Variants in HNRNPC observed in about 807,000 individuals in gnomAD.
HNRNPC encodes the protein heterogeneous nuclear ribonucleoproteins C1/C2.
Under a neutral mutation model 33.2 loss-of-function variants are expected in HNRNPC, and 3 were observed. The observed-to-expected ratio is 0.09, with a 90% CI of 0.04 to 0.23. HNRNPC has a LOEUF of 0.23. Ranked by LOEUF, HNRNPC falls within the 10% of genes least tolerant of loss-of-function variation. The probability of loss-of-function intolerance (pLI) is 1.00; values close to 1 mark genes in which losing one functional copy is unlikely to be tolerated. For missense variants in HNRNPC, 143 were observed against 366.7 expected (o/e 0.39, Z 4.98); for synonymous variants, 121 against 126.7 (o/e 0.96, Z 0.30).
chr14:21,213,218 C>A (rs984382657), intron 5 of HNRNPC, 101 bp from the exon 6 acceptor site: 23 of 1,212,316 alleles, frequency 1.9e-5, no homozygotes, highest in Middle Eastern at 2.1e-4. Flanking sequence ...TGTCTCTAGT[C>A]GTTTCCTTTT....
At chr14:21,267,664 T>C (rs1879242823) in intron 1 of HNRNPC, among the ~76,000 whole-genome samples, 1 of 152,170 alleles carries the variant, frequency 6.6e-6, no homozygotes, top group South Asian at 2.1e-4. Context: ...AGAATTGTGA[T>C]ATAAATACCG....
Position 21,211,519 on chromosome 14 carries a change from C to G in HNRNPC, c.685G>C (p.Val229Leu), listed in dbSNP as rs200722780. 6.2e-6 allele frequency: 10 copies of G among 1,612,622 alleles called. No individual in the cohort carries two copies. In the South Asian group the frequency reaches 7.7e-5, roughly 12 times the overall value. ...KSEEEQSSSS[V>L]KKDETNVKME... Reference sequence around the variant, plus strand: ...TTCACATTAGTCTCATCTTTCTTCACGGAGCTGCTGCTCTGCTCCTCTTCT... The same window carrying G: ...TTCACATTAGTCTCATCTTTCTTCAGGGAGCTGCTGCTCTGCTCCTCTTCT... Residue 229 changes from valine (V) to leucine (L), a missense_variant, in exon 8 of 9, where the codon GTG becomes CTG. Val to Leu is a conservative substitution (Grantham distance 32). Around this residue, in one of 2 missense-constraint regions of HNRNPC, gnomAD observed 131 missense variants for 253.0 expected, o/e 0.52. Coordinates refer to ENST00000553300, the MANE Select transcript of HNRNPC (RefSeq NM_004500.4).
intron 4 of HNRNPC, 66 bp from the exon 5 acceptor site, chr14:21,230,432 G>A: frequency 8.6e-7 from 1 of 1,168,268 alleles, no homozygotes; most frequent in East Asian, 2.4e-5. Flanking sequence ...TGTCAGGTGA[G>A]GGGAGAACCA....
intron 5 of HNRNPC, among the ~76,000 whole-genome samples, chr14:21,226,309 C>T (rs550345028): frequency 2.9e-5 from 4 of 137,708 alleles, no homozygotes; most frequent in Admixed American, 1.6e-4. Context: ...GGAGACAGCA[C>T]GAGACTCGTT....
intron 5 of HNRNPC, among the ~76,000 whole-genome samples, chr14:21,214,906 A>G (rs1891994472): frequency 6.6e-6 from 1 of 152,206 alleles, no homozygotes; most frequent in African/African-American, 2.4e-5. Context: ...AACTGAGCTT[A>G]AGCCTCAGTC....
chr14:21,261,269 C>G (rs575837095), intron 2 of HNRNPC, among the ~76,000 whole-genome samples: 2 of 152,164 alleles, frequency 1.3e-5, no homozygotes, highest in Non-Finnish European at 2.9e-5. Flanking sequence ...CCAAACACAA[C>G]ATGTCCCATA....
At chr14:21,219,241 T>C (rs1469372965) in intron 5 of HNRNPC, among the ~76,000 whole-genome samples, 1 of 152,206 alleles carries the variant, frequency 6.6e-6, no homozygotes, top group East Asian at 1.9e-4. Context: ...ACAGATATGA[T>C]TGCTAGGCAA....
Position 21,234,047 on chromosome 14 carries a change from A to G in HNRNPC, c.147T>C (p.His49=). The G allele has an allele frequency of 6.2e-7, 1 of 1,613,970 alleles. No homozygotes were observed. Among genetic ancestry groups the G allele is most frequent in the Non-Finnish European group, 8.5e-7 (1 of 1,179,862 alleles). The part of the protein sequence containing the change: ...KYGKIVGCSV[H]KGFAFVQYVN... ...CATACTGAACGAAGGCAAAGCCCTT[A>G]TGAACAGAGCAGCCCACAATTTTGC... is the stretch of plus-strand genomic sequence containing the variant. The change falls in exon 3 of 9, where the codon CAT becomes CAC. Residue 49 remains histidine, a synonymous_variant. Transcript: ENST00000553300.
intron 2 of HNRNPC, among the ~76,000 whole-genome samples, chr14:21,257,115 A>G (rs1877353090): frequency 1.3e-5 from 2 of 152,246 alleles, no homozygotes; most frequent in Non-Finnish European, 1.5e-5. Context: ...ACAGTTTTGC[A>G]CTTTTAAGTT....
chr14:21,248,371 T>C (rs900522682), intron 2 of HNRNPC, among the ~76,000 whole-genome samples: 1 of 152,192 alleles, frequency 6.6e-6, no homozygotes, highest in African/African-American at 2.4e-5. Flanking sequence ...GATCAACAAC[T>C]TGCTAGTGGC....
At chr14:21,212,531 CTCT>C (rs1891728511) in intron 6 of HNRNPC, among the ~76,000 whole-genome samples, 1 of 151,872 alleles carries the variant, frequency 6.6e-6, no homozygotes, top group South Asian at 2.1e-4. Flanking sequence ...ATCTTGTCTC[CTCT>C]GTTATTTTGG....
chr14:21,211,018 A>C lies in HNRNPC; in HGVS notation c.*205T>G. On this transcript the variant is annotated 3_prime_UTR_variant, in exon 9 of 9. Transcript: ENST00000553300. The stretch of plus-strand genomic sequence containing the variant: ...CAAAAATTACAGGGTAAGACTTAAC[A>C]AAACTACTAGGAGCGTCAAAGGAAG... 1.7e-6 allele frequency: 1 copy of C among 593,700 alleles called. No homozygotes were observed. The highest frequency in any genetic ancestry group is 2.2e-5 in the South Asian group (1 of 45,494). 36.8% of individuals were successfully genotyped at this position (593,700 alleles called of 1,614,324 possible). A position where few individuals can be genotyped will look rare whatever the true frequency, so the allele number is the denominator to read the frequency against.
intron 1 of HNRNPC, among the ~76,000 whole-genome samples, chr14:21,268,900 T>G (rs1566656352): frequency 6.6e-6 from 1 of 151,816 alleles, no homozygotes; most frequent in African/African-American, 2.4e-5. Context: ...CCTTCCCCCT[T>G]CCCCTCCCCC....
chr14:21,240,602 G>C (rs1895229720), intron 2 of HNRNPC, among the ~76,000 whole-genome samples: 1 of 152,090 alleles, frequency 6.6e-6, no homozygotes, highest in African/African-American at 2.4e-5. Context: ...ATGGAGTCAA[G>C]ACTTCAGCTT....
chr14:21,218,722 A>G (rs925281423), intron 5 of HNRNPC, among the ~76,000 whole-genome samples: 1 of 141,294 alleles, frequency 7.1e-6, no homozygotes, highest in Non-Finnish European at 1.5e-5. Context: ...AAATTGAGTC[A>G]CATGCAGTGG....
At chr14:21,219,378 TTGTG>T (rs899607668) in intron 5 of HNRNPC, among the ~76,000 whole-genome samples, 1 of 152,232 alleles carries the variant, frequency 6.6e-6, no homozygotes, top group African/African-American at 2.4e-5. Flanking sequence ...GTGAATTTTA[TTGTG>T]TGTTTTCTAT....
At chr14:21,249,742 T>C (rs1384492231) in intron 2 of HNRNPC, among the ~76,000 whole-genome samples, 1 of 152,154 alleles carries the variant, frequency 6.6e-6, no homozygotes, top group Non-Finnish European at 1.5e-5. Flanking sequence ...CACATTTCAT[T>C]GTGCCATCAT....
intron 2 of HNRNPC, among the ~76,000 whole-genome samples, chr14:21,261,300 T>C (rs1020746129): frequency 6.6e-6 from 1 of 152,118 alleles, no homozygotes; most frequent in South Asian, 2.1e-4. Flanking sequence ...ATTTGTAGAA[T>C]TAACAAGGAA....
chr14:21,256,470 T>C (rs1877230927), intron 2 of HNRNPC, among the ~76,000 whole-genome samples: 1 of 151,846 alleles, frequency 6.6e-6, no homozygotes, highest in South Asian at 2.1e-4. Flanking sequence ...AAAAAATCCT[T>C]CAAACAATAC....
Sources: allele counts gnomAD v4.1 joint callset (sites outside exome capture counted in the v4.1 genomes callset), GRCh38; gene constraint gnomAD v4.1.1; regional missense constraint gnomAD v4.1.1; transcripts MANE v1.5; gene names NCBI Gene and HGNC (gene_info 2026-07-23, HGNC 2026-07-21).